OCA2: variants seen among roughly 807,000 people sequenced by gnomAD.
OCA2 encodes P protein.
A neutral mutation model predicts 100.2 loss-of-function variants in OCA2; 77 were observed. That is an observed-to-expected ratio of 0.77 (90% CI 0.64 to 0.93). The LOEUF (loss-of-function observed/expected upper bound fraction) is 0.93, where lower values mean the gene tolerates loss of function less well. Ranked by LOEUF, OCA2 falls within the 40% of genes least tolerant of loss-of-function variation. The pLI is 0.00. For missense variants in OCA2, 1,062 were observed against 1,089.1 expected, an observed-to-expected ratio of 0.98 and a Z score of 0.35; for synonymous variants, 432 against 439.2, an observed-to-expected ratio of 0.98 and a Z score of 0.21.
At chr15:27,984,259 C>T (rs1189383406) in intron 13 of OCA2, among the ~76,000 whole-genome samples, 3 of 152,044 alleles carry the variant, frequency 2.0e-5, no homozygotes, top group South Asian at 2.1e-4. Flanking sequence ...ATCTGGGAGT[C>T]CTACAACTCG....
chr15:27,823,492 G>A (rs1485607574), intron 23 of OCA2, among the ~76,000 whole-genome samples: 1 of 152,162 alleles, frequency 6.6e-6, no homozygotes. Flanking sequence ...AATCTGCTTA[G>A]ATAAAATTTG....
rs1159049733 is a variant in OCA2 at position 28,070,479 on chromosome 15, G to A, written c.227+11169C>T. Among the ~76,000 whole-genome samples the A allele has an allele frequency of 2.9e-4, 37 of 125,534 alleles. 4 individuals are homozygous for A. The highest frequency in any genetic ancestry group is 1.3e-3 in the African/African-American group (31 of 23,970). 82.4% of individuals were successfully genotyped at this position (125,534 alleles called of 152,430 possible). Reference sequence around the variant, plus strand: ...CCCCACCCGGCCAGCCGCCCAGTCCGGGAGGGAGGTGGGGGGGTCAGCCCC... The same window carrying A: ...CCCCACCCGGCCAGCCGCCCAGTCCAGGAGGGAGGTGGGGGGGTCAGCCCC... On this transcript the variant is annotated intron_variant, in intron 2 of 23. Transcript: ENST00000354638.
chr15:27,921,308 C>T (rs950091165), intron 19 of OCA2, among the ~76,000 whole-genome samples: 7 of 151,632 alleles, frequency 4.6e-5, no homozygotes, highest in Non-Finnish European at 1.0e-4. Flanking sequence ...CAGATTTGGA[C>T]TGGTGAAAGA....
chr15:27,805,493 G>A (rs1389846314), intron 23 of OCA2, among the ~76,000 whole-genome samples: 1 of 152,212 alleles, frequency 6.6e-6, no homozygotes, highest in Admixed American at 6.5e-5. Flanking sequence ...TCCAGGCGGC[G>A]ACAGCATGGC....
At chr15:27,735,418 A>G in the OCA2 span, among the ~76,000 whole-genome samples, 1 of 152,204 alleles carries the variant, frequency 6.6e-6, no homozygotes, top group Non-Finnish European at 1.5e-5. Flanking sequence ...GTTAAAAAGG[A>G]GGAAGAGAAA....
chr15:27,921,227 C>T (rs1900756), intron 19 of OCA2, among the ~76,000 whole-genome samples: 8,221 of 151,650 alleles, frequency 0.054, 770 homozygotes, highest in African/African-American at 0.19. Flanking sequence ...TGACTCAATG[C>T]GCATATAGGG....
At chr15:27,947,376 T>C (rs1057015911) in intron 18 of OCA2, among the ~76,000 whole-genome samples, 2 of 152,180 alleles carry the variant, frequency 1.3e-5, no homozygotes, top group Non-Finnish European at 2.9e-5. Context: ...TCCCTGCACA[T>C]TGGGAGCCAC....
At chr15:27,896,084 T>C (rs963558704) in intron 19 of OCA2, 9 of 1,175,828 alleles carry the variant, frequency 7.7e-6, no homozygotes, top group African/African-American at 7.5e-5. Context: ...AGGAATACAA[T>C]GTGGAAAGCA....
chr15:28,035,051 A>C (rs1313714917), intron 2 of OCA2, among the ~76,000 whole-genome samples: 2 of 152,084 alleles, frequency 1.3e-5, no homozygotes, highest in African/African-American at 2.4e-5. Context: ...CCACAGCAGC[A>C]CCACATCGCA....
At chr15:28,021,103 C>T (rs1338648566) in intron 6 of OCA2, among the ~76,000 whole-genome samples, 1 of 152,246 alleles carries the variant, frequency 6.6e-6, no homozygotes, top group Non-Finnish European at 1.5e-5. Flanking sequence ...ATTTAGCTAA[C>T]TGAATTAATT....
chr15:27,972,852 TATTTTATTTTATTTTA>T (rs2040841094), intron 14 of OCA2, among the ~76,000 whole-genome samples: 4 of 143,308 alleles, frequency 2.8e-5, no homozygotes, highest in Non-Finnish European at 3.1e-5. Context: ...TATTTTATTT[TATTTTATTTTATTTTA>T]TTTTATTTTA....
chr15:27,977,143 TTC>T (rs1482375588), intron 14 of OCA2, among the ~76,000 whole-genome samples: 1 of 152,206 alleles, frequency 6.6e-6, no homozygotes, highest in Admixed American at 6.5e-5. Flanking sequence ...AACTTGAATC[TTC>T]TGTCTCATTT....
At chr15:27,997,099 G>GAAGA (rs1403936808) in intron 9 of OCA2, among the ~76,000 whole-genome samples, 1 of 30,138 alleles carries the variant, frequency 3.3e-5, no homozygotes, top group Non-Finnish European at 1.8e-4. Flanking sequence ...AGAAAGAAAG[G>GAAGA]AAGAAAGAAA....
At chr15:27,802,062 G>A (rs940586173) in intron 23 of OCA2, among the ~76,000 whole-genome samples, 1 of 152,138 alleles carries the variant, frequency 6.6e-6, no homozygotes, top group African/African-American at 2.4e-5. Context: ...TAAATTTGAT[G>A]TAATCTACAA....
chr15:28,057,488 C>A (rs1045056766), intron 2 of OCA2, among the ~76,000 whole-genome samples: 1 of 152,110 alleles, frequency 6.6e-6, no homozygotes, highest in Non-Finnish European at 1.5e-5. Flanking sequence ...AATCCCTTGG[C>A]CTGCCCAGCC....
At chr15:27,892,015 A>C (rs926621488) in intron 19 of OCA2, among the ~76,000 whole-genome samples, 13 of 152,330 alleles carry the variant, frequency 8.5e-5, no homozygotes, top group African/African-American at 2.9e-4. Context: ...CACCAGGAAG[A>C]TACAACAATC....
intron 19 of OCA2, among the ~76,000 whole-genome samples, chr15:27,909,203 C>T (rs2038293002): frequency 6.6e-6 from 1 of 152,056 alleles, no homozygotes; most frequent in Non-Finnish European, 1.5e-5. Flanking sequence ...AAAAAATGTG[C>T]AAAAATTATA....
the OCA2 span, among the ~76,000 whole-genome samples, chr15:27,742,336 A>G: frequency 6.6e-6 from 1 of 152,198 alleles, no homozygotes; most frequent in Admixed American, 6.5e-5. Flanking sequence ...GCAGCTGTGG[A>G]ACCTTGGAGC....
intron 15 of OCA2, among the ~76,000 whole-genome samples, chr15:27,962,139 T>C (rs561614891): frequency 2.6e-5 from 4 of 152,308 alleles, no homozygotes; most frequent in South Asian, 2.1e-4. Flanking sequence ...AAATAGAAGA[T>C]AGACAGATAA....
Sources: allele counts gnomAD v4.1 joint callset (sites outside exome capture counted in the v4.1 genomes callset), GRCh38; gene constraint gnomAD v4.1.1; transcripts MANE v1.5; gene names NCBI Gene and HGNC (gene_info 2026-07-23, HGNC 2026-07-21).